CTBP2: variants seen among roughly 807,000 people sequenced by gnomAD.
The protein encoded by CTBP2 is C-terminal binding protein 2, also known as C-terminal-binding protein 2.
CTBP2 carries 30 observed loss-of-function variants against 80.3 expected under a neutral mutation model. The observed-to-expected ratio is 0.37, with a 90% CI of 0.28 to 0.51. CTBP2 has a LOEUF of 0.51. Ranked by LOEUF, CTBP2 falls within the 20% of genes least tolerant of loss-of-function variation. CTBP2 has a pLI of 0.93. For synonymous variants in CTBP2, 594 were observed against 587.4 expected (o/e 1.01, Z -0.16); for missense variants, 1,212 against 1,375.3 (o/e 0.88, Z 1.88).
In CTBP2 at chr10:125,037,130, T is replaced by C. The variant is rs559979434; in HGVS notation, c.58+1867A>G. On this transcript the variant is annotated intron_variant, in intron 3 of 10. Transcript: ENST00000337195. The stretch of plus-strand genomic sequence containing the variant: ...ATAGACAAGGTAATGCAAACTTCTG[T>C]TATAAAAAATTGGCTGAAAATTTCC... Among the ~76,000 whole-genome samples, 5 of 152,326 alleles carry C rather than the reference T, an allele frequency of 3.3e-5. No individual in the cohort carries two copies. The East Asian group carries it at 9.6e-4, about 29-fold the overall frequency.
intron 3 of CTBP2, among the ~76,000 whole-genome samples, chr10:125,035,161 C>T (rs376741599): frequency 1.6e-4 from 25 of 152,306 alleles, no homozygotes; most frequent in South Asian, 2.1e-4. Flanking sequence ...CATCCTCCTG[C>T]GACAAAGGTG....
At chr10:125,052,792 C>A (rs958330946) in intron 2 of CTBP2, among the ~76,000 whole-genome samples, 1 of 152,226 alleles carries the variant, frequency 6.6e-6, no homozygotes, top group Non-Finnish European at 1.5e-5. Flanking sequence ...CAACACATTC[C>A]CATGGGAGCC....
At chr10:125,131,244 C>A (rs562883839) in intron 1 of CTBP2, among the ~76,000 whole-genome samples, 73 of 152,332 alleles carry the variant, frequency 4.8e-4, no homozygotes, top group African/African-American at 1.7e-3. Flanking sequence ...TTCCCAGAAG[C>A]AGAAGATCAG....
At chr10:125,071,234 G>A (rs80075909) in intron 2 of CTBP2, among the ~76,000 whole-genome samples, 1 of 152,244 alleles carries the variant, frequency 6.6e-6, no homozygotes. Context: ...GGAAGGGAAG[G>A]AGCATTTGCG....
At chr10:125,085,139 C>G (rs77463718) in intron 2 of CTBP2, among the ~76,000 whole-genome samples, 1 of 152,292 alleles carries the variant, frequency 6.6e-6, no homozygotes, top group Non-Finnish European at 1.5e-5. Flanking sequence ...AGCTGCGACA[C>G]CAATACATCA....
At chr10:125,124,215 G>GC (rs1564976983) in intron 1 of CTBP2, among the ~76,000 whole-genome samples, 1 of 152,156 alleles carries the variant, frequency 6.6e-6, no homozygotes, top group Non-Finnish European at 1.5e-5. Context: ...GCCCTCAAAT[G>GC]CCACACCAGC....
rs61869197 is a variant in CTBP2 at position 125,112,029 on chromosome 10, T to C, written c.-205-936A>G. 3.7e-3 allele frequency among the ~76,000 whole-genome samples: 558 copies of C among 151,948 alleles called. 5 individuals are homozygous for C. The highest frequency in any genetic ancestry group is 6.7e-3 in the Non-Finnish European group (457 of 67,992). On this transcript the variant is annotated intron_variant, in intron 1 of 10. Transcript: ENST00000337195. Reference sequence around the variant, plus strand: ...GAGCTGCTGCAGCCAGGCCTGACATTGCCAACCCCACCTTACAACCAAGTT... The same window carrying C: ...GAGCTGCTGCAGCCAGGCCTGACATCGCCAACCCCACCTTACAACCAAGTT...
chr10:125,098,740 G>A lies in CTBP2; in HGVS notation c.-102+12250C>T, dbSNP rs60084770. Reference sequence around the variant, plus strand: ...AGAGAGAGACAGAGAGAGAGAGAGAGAGAGAGAGACAGAGAGAGAGAGAGA... The same window carrying A: ...AGAGAGAGACAGAGAGAGAGAGAGAAAGAGAGAGACAGAGAGAGAGAGAGA... On this transcript the variant is annotated intron_variant, in intron 2 of 10. Coordinates refer to the CTBP2 transcript ENST00000337195. Among the ~76,000 whole-genome samples, 44 of 114,808 alleles carry A rather than the reference G, an allele frequency of 3.8e-4. 1 individual carries two copies. Among genetic ancestry groups the A allele is most frequent in the South Asian group, 5.1e-4 (2 of 3,894 alleles). The allele number at this position is 114,808 out of a possible 152,430, so 75.3% of individuals were successfully genotyped here. A position where few individuals can be genotyped will look rare whatever the true frequency, so the allele number is the denominator to read the frequency against.
intron 2 of CTBP2, among the ~76,000 whole-genome samples, chr10:125,075,577 T>C (rs961976175): frequency 2.0e-5 from 3 of 152,148 alleles, no homozygotes; most frequent in African/African-American, 7.2e-5. Flanking sequence ...TGGTATTCTG[T>C]TACAGCAGCA....
intron 2 of CTBP2, among the ~76,000 whole-genome samples, chr10:125,075,074 G>A (rs550711539): frequency 3.3e-5 from 5 of 152,288 alleles, no homozygotes; most frequent in South Asian, 2.1e-4. Flanking sequence ...GGTAGACAAC[G>A]GTGATCTAAG....
chr10:124,985,094 T>C lies in CTBP2; in HGVS notation c.*4424A>G, dbSNP rs1952003725. The C allele has an allele frequency of 1.2e-6, 1 of 864,076 alleles. No homozygotes were observed. The highest frequency in any genetic ancestry group is 1.8e-6 in the Non-Finnish European group (1 of 553,192). 53.5% of individuals were successfully genotyped at this position (864,076 alleles called of 1,614,324 possible). A position where few individuals can be genotyped will look rare whatever the true frequency, so the allele number is the denominator to read the frequency against. ...AGTCGACATCATGGAATGAACCAAATCTGGCAGGATCTGCTCGGGGAAGTG... is the reference window on the plus strand; with the variant it reads ...AGTCGACATCATGGAATGAACCAAACCTGGCAGGATCTGCTCGGGGAAGTG... On this transcript the variant is annotated 3_prime_UTR_variant, in exon 9 of 9. Transcript: ENST00000309035.
Position 125,026,676 on chromosome 10 carries a change from C to G in CTBP2, c.1084G>C (p.Gly362Arg), listed in dbSNP as rs202010294. The change falls in exon 1 of 9, where the codon GGC (glycine) becomes CGC (arginine). Residue 362 changes from glycine (G) to arginine (R), a missense_variant. Coordinates refer to ENST00000309035, the MANE Select transcript of CTBP2 (RefSeq NM_022802.3). ...CTGGACCGCGCCCGGGGCAGCGGGC[C>G]CCCCCGGTCCTGCCTCCGCAGCTGC... 2.3e-3 allele frequency: 3,634 copies of G among 1,607,508 alleles called. 13 individuals carry two copies. The highest frequency in any genetic ancestry group is 3.4e-3 in the South Asian group (306 of 90,536).
intron 4 of CTBP2, 33 bp downstream of exon 6, chr10:124,997,931 G>C (rs1953861570): frequency 6.3e-7 from 1 of 1,590,446 alleles, no homozygotes; most frequent in Admixed American, 1.7e-5. Context: ...AGTGTCGGAG[G>C]GGTTGGGGGT....
At chr10:125,097,161 A>C (rs1564909832) in intron 2 of CTBP2, among the ~76,000 whole-genome samples, 1 of 152,114 alleles carries the variant, frequency 6.6e-6, no homozygotes, top group Non-Finnish European at 1.5e-5. Flanking sequence ...GAACCTGCTG[A>C]CTCCAGATTA....
At chr10:125,010,515 C>T (rs1390307916) in intron 1 of CTBP2, among the ~76,000 whole-genome samples, 1 of 152,234 alleles carries the variant, frequency 6.6e-6, no homozygotes, top group Admixed American at 6.5e-5. Flanking sequence ...CACTCCTCCT[C>T]CCACCATGCA....
At chr10:125,115,826 AG>A (rs1226673672) in intron 1 of CTBP2, among the ~76,000 whole-genome samples, 6 of 149,380 alleles carry the variant, frequency 4.0e-5, no homozygotes, top group Admixed American at 6.6e-5. Context: ...GGCTGTGCTC[AG>A]AAAAGAGGGA....
At chr10:125,068,100 CGAGG>C (rs1844919707) in intron 2 of CTBP2, among the ~76,000 whole-genome samples, 1 of 152,166 alleles carries the variant, frequency 6.6e-6, no homozygotes, top group East Asian at 1.9e-4. Flanking sequence ...GAAAGCAAAG[CGAGG>C]AAGATGACAG....
chr10:125,057,225 C>G (rs1964115404), intron 2 of CTBP2, among the ~76,000 whole-genome samples: 1 of 152,104 alleles, frequency 6.6e-6, no homozygotes, highest in Non-Finnish European at 1.5e-5. Flanking sequence ...GTAGAGAGGC[C>G]CTAATGACAC....
chr10:125,005,395 AC>A (rs1261338491), intron 1 of CTBP2, among the ~76,000 whole-genome samples: 1 of 152,126 alleles, frequency 6.6e-6, no homozygotes, highest in Non-Finnish European at 1.5e-5. Context: ...GCACACGTGC[AC>A]CCAGTCACTC....
Sources: gnomAD v4.1 joint callset for allele counts (sites outside exome capture counted in the v4.1 genomes callset) on GRCh38, gnomAD v4.1.1 for gene constraint, MANE v1.5 for transcripts, NCBI Gene and HGNC (gene_info 2026-07-23, HGNC 2026-07-21) for gene names.